BRINP3: variants seen among roughly 807,000 people sequenced by gnomAD.
BRINP3 encodes BMP/retinoic acid-inducible neural-specific protein 3.
In BRINP3, 19 loss-of-function variants were observed where a neutral mutation model predicts 71.0. That is an observed-to-expected ratio of 0.27 (90% CI 0.19 to 0.39). BRINP3 has a LOEUF of 0.39. Among genes scored for constraint, BRINP3 ranks in the 10% least tolerant of loss-of-function variants. The probability of loss-of-function intolerance (pLI) is 1.00; values close to 1 mark genes in which losing one functional copy is unlikely to be tolerated. For synonymous variants in BRINP3, 380 were observed against 337.7 expected, an observed-to-expected ratio of 1.13 and a Z score of -1.37; for missense variants, 959 against 940.8, an observed-to-expected ratio of 1.02 and a Z score of -0.25.
chr1:190,169,378 A>C (rs2102490655), intron 6 of BRINP3, among the ~76,000 whole-genome samples: 1 of 152,290 alleles, frequency 6.6e-6, no homozygotes, highest in East Asian at 1.9e-4. Flanking sequence ...TGCCAGCTGC[A>C]ATGCTTTTGC....
intron 2 of BRINP3, among the ~76,000 whole-genome samples, chr1:190,408,694 A>C (rs1672464099): frequency 6.6e-6 from 1 of 152,202 alleles, no homozygotes; most frequent in African/African-American, 2.4e-5. Flanking sequence ...TACATTATAC[A>C]ATTAGTTTTC....
intron 7 of BRINP3, among the ~76,000 whole-genome samples, chr1:190,143,805 C>T (rs964243602): frequency 3.3e-5 from 5 of 152,150 alleles, no homozygotes; most frequent in African/African-American, 1.2e-4. Flanking sequence ...GGCCAGGTAA[C>T]ATCCCTTTAT....
At chr1:190,419,930 T>C (rs1673262436) in intron 2 of BRINP3, among the ~76,000 whole-genome samples, 1 of 151,906 alleles carries the variant, frequency 6.6e-6, no homozygotes, top group Admixed American at 6.6e-5. Context: ...GGGGTTGGCA[T>C]TTGTTTTTCT....
intron 2 of BRINP3, among the ~76,000 whole-genome samples, chr1:190,352,383 G>A (rs1437014462): frequency 6.6e-6 from 1 of 151,964 alleles, no homozygotes; most frequent in Non-Finnish European, 1.5e-5. Context: ...TACTAGAAGA[G>A]TTTAATGTTT....
chr1:190,275,117 TAGTA>T (rs1662442714), intron 3 of BRINP3, among the ~76,000 whole-genome samples: 1 of 151,564 alleles, frequency 6.6e-6, no homozygotes, highest in Non-Finnish European at 1.5e-5. Flanking sequence ...CTCTCGATAG[TAGTA>T]CAATAACATG....
At chr1:190,475,390 G>A (rs916424791) in intron 1 of BRINP3, among the ~76,000 whole-genome samples, 1 of 152,178 alleles carries the variant, frequency 6.6e-6, no homozygotes, top group African/African-American at 2.4e-5. Context: ...AGGAAGGTTG[G>A]AAATGGAGCA....
At chr1:190,249,109 C>T (rs12060718) in intron 4 of BRINP3, among the ~76,000 whole-genome samples, 2,224 of 151,700 alleles carry the variant, frequency 0.015, 43 homozygotes, top group African/African-American at 0.051. Flanking sequence ...TAGAATACTT[C>T]ATTGGTAGCA....
At chr1:190,441,641 ATGTT>A (rs1674827919) in intron 2 of BRINP3, among the ~76,000 whole-genome samples, 1 of 152,148 alleles carries the variant, frequency 6.6e-6, no homozygotes, top group Non-Finnish European at 1.5e-5. Flanking sequence ...ATAAACCAGT[ATGTT>A]TGAGTATAAT....
intron 2 of BRINP3, among the ~76,000 whole-genome samples, chr1:190,320,832 G>C (rs896811890): frequency 2.3e-4 from 35 of 152,018 alleles, no homozygotes; most frequent in African/African-American, 8.0e-4. Context: ...ATATGAGAAC[G>C]TACAAACTCC....
chr1:190,172,655 TC>T (rs1329968566), intron 6 of BRINP3, among the ~76,000 whole-genome samples: 1 of 152,050 alleles, frequency 6.6e-6, no homozygotes, highest in Non-Finnish European at 1.5e-5. Flanking sequence ...CCCCAAACCC[TC>T]CTCCTTGGGA....
At chr1:190,444,214 G>T (rs1675037121) in intron 2 of BRINP3, among the ~76,000 whole-genome samples, 1 of 106,036 alleles carries the variant, frequency 9.4e-6, no homozygotes, top group African/African-American at 3.3e-5. Context: ...ACTCCTGCCG[G>T]GGCAACAAGA....
intron 2 of BRINP3, among the ~76,000 whole-genome samples, chr1:190,352,859 C>CTCTG (rs1553300126): frequency 1.3e-5 from 2 of 148,892 alleles, no homozygotes; most frequent in Non-Finnish European, 3.0e-5. Context: ...CTCTCTCTCT[C>CTCTG]TGTGTGTGTA....
intron 1 of BRINP3, among the ~76,000 whole-genome samples, chr1:190,462,085 T>C (rs1401876887): frequency 6.6e-6 from 1 of 152,012 alleles, no homozygotes; most frequent in Non-Finnish European, 1.5e-5. Context: ...GCTAATTTTG[T>C]ATTTTTAGTA....
intron 7 of BRINP3, among the ~76,000 whole-genome samples, chr1:190,131,952 A>C (rs1223791878): frequency 1.3e-5 from 2 of 152,106 alleles, no homozygotes; most frequent in African/African-American, 4.8e-5. Flanking sequence ...AAGAAAACAT[A>C]TGCAAAATGT....
At chr1:190,309,294 G>A (rs1420434762) in intron 2 of BRINP3, among the ~76,000 whole-genome samples, 6 of 151,772 alleles carry the variant, frequency 4.0e-5, no homozygotes, top group Admixed American at 2.6e-4. Context: ...CGGGAGACAG[G>A]AGAAGGAGAA....
chr1:190,158,145 G>C (rs1268965317), intron 7 of BRINP3, among the ~76,000 whole-genome samples: 1 of 151,912 alleles, frequency 6.6e-6, no homozygotes, highest in Admixed American at 6.6e-5. Flanking sequence ...TGAATCATGG[G>C]GCAGGTCTTT....
intron 1 of BRINP3, among the ~76,000 whole-genome samples, chr1:190,466,470 G>T (rs1676757716): frequency 1.3e-5 from 2 of 151,726 alleles, no homozygotes; most frequent in Admixed American, 6.6e-5. Flanking sequence ...TTCAAAGATG[G>T]TTCAGTAAAA....
At chr1:190,416,820 T>C (rs1364389962) in intron 2 of BRINP3, among the ~76,000 whole-genome samples, 2 of 152,146 alleles carry the variant, frequency 1.3e-5, no homozygotes, top group Non-Finnish European at 2.9e-5. Context: ...TTGACAGTAT[T>C]ACTCCAGAAC....
chr1:190,247,530 T>G (rs1359165125), intron 4 of BRINP3, among the ~76,000 whole-genome samples: 1 of 151,866 alleles, frequency 6.6e-6, no homozygotes, highest in African/African-American at 2.4e-5. Flanking sequence ...AAATTATAGT[T>G]AAGCATATTC....
Sources: allele counts gnomAD v4.1 joint callset (sites outside exome capture counted in the v4.1 genomes callset), GRCh38; gene constraint gnomAD v4.1.1; transcripts MANE v1.5; gene names NCBI Gene and HGNC (gene_info 2026-07-23, HGNC 2026-07-21).